Variants in IBTK observed in about 807,000 individuals in gnomAD.
IBTK encodes BTK-binding protein.
A neutral mutation model predicts 154.9 loss-of-function variants in IBTK; 83 were observed. That is an observed-to-expected ratio of 0.54 (90% CI 0.45 to 0.64). The LOEUF is 0.64. Among genes scored for constraint, IBTK ranks in the 30% least tolerant of loss-of-function variants. The pLI, the probability that IBTK is intolerant of heterozygous loss-of-function variation, is 0.00. For missense variants in IBTK, 1,332 were observed against 1,584.6 expected (o/e 0.84, Z 2.71); for synonymous variants, 515 against 536.1 (o/e 0.96, Z 0.54).
intron 9 of IBTK, among the ~76,000 whole-genome samples, chr6:82,220,216 T>A (rs1356762544): frequency 6.6e-6 from 1 of 152,028 alleles, no homozygotes; most frequent in Non-Finnish European, 1.5e-5. Context: ...TCAAAAAAAA[T>A]AAATAAATAA....
chr6:82,195,502 C>T (rs889721826), intron 22 of IBTK, among the ~76,000 whole-genome samples: 6 of 151,540 alleles, frequency 4.0e-5, no homozygotes, highest in Admixed American at 1.3e-4. Flanking sequence ...CACCTAAGCC[C>T]GGGAAATCAA....
chr6:82,183,238 C>T (rs1296127772), intron 25 of IBTK, among the ~76,000 whole-genome samples: 5 of 151,992 alleles, frequency 3.3e-5, no homozygotes, highest in African/African-American at 9.7e-5. Context: ...GATGAAACTC[C>T]GTCTCTACTA....
intron 22 of IBTK, 130 bp downstream of exon 22, chr6:82,196,168 A>T: frequency 1.4e-6 from 1 of 720,230 alleles, no homozygotes; most frequent in Non-Finnish European, 2.2e-6. Context: ...AACTAACACT[A>T]TATTTGTGAT....
intron 9 of IBTK, among the ~76,000 whole-genome samples, chr6:82,219,736 TTTTA>T (rs1770022906): frequency 6.6e-6 from 1 of 151,822 alleles, no homozygotes; most frequent in South Asian, 2.1e-4. Context: ...AATTAGAACT[TTTTA>T]TTTAAGAGAT....
chr6:82,240,987 G>C (rs1187890919), intron 1 of IBTK, 144 bp from the exon 2 acceptor site: 4 of 394,508 alleles, frequency 1.0e-5, no homozygotes, highest in Non-Finnish European at 1.8e-5. Context: ...CTAAGCTTAC[G>C]GGAGTTATTT....
In IBTK at chr6:82,214,764, TC is replaced by T; in HGVS notation, c.1666del (p.Glu556LysfsTer11). On this transcript the variant is annotated frameshift_variant, in exon 12 of 29. Transcript: ENST00000306270. LOFTEE classifies it high-confidence loss of function. ...FFEEFGKLLR[E>X]ADEMDSIHDV... ...ATGAATGCTGTCCATTTCATCTGCT[TC>T]CCTCAACAGTTTGCCAAACTCTTCA... 6.2e-7 allele frequency: 1 copy of T among 1,613,820 alleles called. No homozygotes were observed. Among genetic ancestry groups the T allele is most frequent in the South Asian group, 1.1e-5 (1 of 91,054 alleles).
At chr6:82,190,711 T>C (rs563966133) in intron 25 of IBTK, among the ~76,000 whole-genome samples, 2 of 150,070 alleles carry the variant, frequency 1.3e-5, no homozygotes, top group East Asian at 1.9e-4. Flanking sequence ...ATGTGTCTGA[T>C]GTATTTAATT....
intron 25 of IBTK, among the ~76,000 whole-genome samples, chr6:82,190,593 T>A (rs1768728091): frequency 6.6e-6 from 1 of 152,096 alleles, no homozygotes; most frequent in East Asian, 1.9e-4. Flanking sequence ...GAGCAGTGTT[T>A]TAAAAAGTGA....
rs755551207 is a variant in IBTK at position 82,200,147 on chromosome 6, A to T, written c.3019T>A (p.Ser1007Thr). 1 of 1,592,364 alleles carries T rather than the reference A, an allele frequency of 6.3e-7. No individual in the cohort carries two copies. The highest frequency in any genetic ancestry group is 8.6e-7 in the Non-Finnish European group (1 of 1,162,724). The change falls in exon 21 of 29, where the codon TCT becomes ACT. Residue 1007 changes from serine (S) to threonine (T), a missense_variant. By Grantham distance (58) the Ser-to-Thr change is moderately conservative. Coordinates refer to ENST00000306270, the MANE Select transcript of IBTK (RefSeq NM_015525.4). Reference protein sequence around the residue: ...NLSDIIQSPSSTGLLKSGKTN... With the variant: ...NLSDIIQSPSTTGLLKSGKTN... ...ATGCTCACTTTCCACGAACCTGTAG[A>T]TGATGGACTCTGAATAATATCTGAA...
intron 2 of IBTK, among the ~76,000 whole-genome samples, chr6:82,234,557 C>T (rs757167097): frequency 4.1e-4 from 63 of 151,876 alleles, no homozygotes; most frequent in Non-Finnish European, 7.5e-4. Context: ...AGGATGGTCT[C>T]GACCTCTGAC....
intron 16 of IBTK, 69 bp from the exon 17 acceptor site, chr6:82,205,027 A>C (rs1769348189): frequency 8.3e-6 from 7 of 842,870 alleles, no homozygotes; most frequent in African/African-American, 1.8e-5. Flanking sequence ...AAAAATTTGA[A>C]GTAATTAGTA....
At chr6:82,196,208 A>C (rs929546940) in intron 22 of IBTK, 90 bp downstream of exon 22, 5 of 1,120,802 alleles carry the variant, frequency 4.5e-6, no homozygotes, top group Admixed American at 2.7e-5. Context: ...AACTGTTTTA[A>C]AATTAGGGCA....
chr6:82,203,830 T>G (rs1769301562), intron 17 of IBTK, among the ~76,000 whole-genome samples: 1 of 152,166 alleles, frequency 6.6e-6, no homozygotes, highest in African/African-American at 2.4e-5. Flanking sequence ...TTTCTTTTCT[T>G]GCTTAAAAGG....
At chr6:82,213,311 G>A (rs1162234443) in intron 12 of IBTK, among the ~76,000 whole-genome samples, 1 of 152,126 alleles carries the variant, frequency 6.6e-6, no homozygotes, top group African/African-American at 2.4e-5. Context: ...TTACAGGCGT[G>A]AGCCACCGCG....
rs1768911129 is a variant in IBTK at position 82,194,625 on chromosome 6, A to G, written c.3192T>C (p.Tyr1064=). ...SDKIEAKVKP[Y]VNGTSPVYSR... ...AATACACAGGAGATGTACCATTAAC[A>G]TACGGTTTGACTTTCGCCTGGGGAG... Residue 1064 remains tyrosine (Y), a synonymous_variant, in exon 23 of 29, where the codon TAT becomes TAC. Coordinates refer to ENST00000306270, the MANE Select transcript of IBTK (RefSeq NM_015525.4). 2 of 1,586,976 alleles carry G rather than the reference A, an allele frequency of 1.3e-6. No homozygotes were observed. Among genetic ancestry groups the G allele is most frequent in the African/African-American group, 1.4e-5 (1 of 73,908 alleles).
chr6:82,230,080 C>A (rs763247007), intron 4 of IBTK, among the ~76,000 whole-genome samples: 3 of 152,060 alleles, frequency 2.0e-5, no homozygotes, highest in African/African-American at 7.2e-5. Context: ...TAATCATAAA[C>A]CAGAACTGTC....
At position 82,214,822 on chromosome 6, in the gene IBTK, C is replaced by G. The variant is rs1401611315; in HGVS notation, c.1609G>C (p.Glu537Gln). The G allele has an allele frequency of 1.9e-6, 3 of 1,571,350 alleles. No homozygotes were observed. Among genetic ancestry groups the G allele is most frequent in the Non-Finnish European group, 2.6e-6 (3 of 1,159,954 alleles). ...LQSDPKTSLYEIPAVSSSSFF... is the reference protein window; with the variant it reads ...LQSDPKTSLYQIPAVSSSSFF... ...GATGATGAGGACACAGCTGGAATTT[C>G]ATAAAGGCTAGAAAGAAGACAAAAA... The change falls in exon 12 of 29, where the codon GAA (glutamate) becomes CAA (glutamine). Residue 537 changes from glutamate to glutamine, a missense_variant. Coordinates refer to ENST00000306270, the MANE Select transcript of IBTK (RefSeq NM_015525.4).
chr6:82,192,620 G>A (rs944429991), intron 23 of IBTK, among the ~76,000 whole-genome samples: 8 of 151,716 alleles, frequency 5.3e-5, no homozygotes, highest in Non-Finnish European at 1.2e-4. Flanking sequence ...GGTGGCAGGC[G>A]CCTGTAATCC....
At chr6:82,234,876 G>C (rs1255013268) in intron 2 of IBTK, among the ~76,000 whole-genome samples, 3 of 150,804 alleles carry the variant, frequency 2.0e-5, no homozygotes, top group Admixed American at 2.0e-4. Flanking sequence ...TTTTTTGCAG[G>C]GGGGACGGAA....
Sources: gnomAD v4.1 joint callset for allele counts (sites outside exome capture counted in the v4.1 genomes callset) on GRCh38, gnomAD v4.1.1 for gene constraint, MANE v1.5 for transcripts, NCBI Gene and HGNC (gene_info 2026-07-23, HGNC 2026-07-21) for gene names.